Variants in CNTN5 observed in about 807,000 individuals in gnomAD.
CNTN5 encodes the protein contactin 5.
CNTN5 carries 77 observed loss-of-function variants against 129.1 expected under a neutral mutation model. The observed-to-expected ratio is 0.60, with a 90% CI of 0.50 to 0.72. CNTN5 has a LOEUF of 0.72. Ranked by LOEUF, CNTN5 falls within the 30% of genes least tolerant of loss-of-function variation. The probability of loss-of-function intolerance (pLI) is 0.00; values close to 1 mark genes in which losing one functional copy is unlikely to be tolerated. For synonymous variants in CNTN5, 509 were observed against 465.6 expected (o/e 1.09, Z -1.20); for missense variants, 1,478 against 1,328.8 (o/e 1.11, Z -1.75).
At chr11:99,474,178 AT>A (rs1193915997) in intron 2 of CNTN5, among the ~76,000 whole-genome samples, 2 of 151,816 alleles carry the variant, frequency 1.3e-5, no homozygotes, top group African/African-American at 4.8e-5. Context: ...TATATAAAAA[AT>A]ACTGTATTGT....
chr11:99,613,792 A>C (rs1950670444), intron 3 of CNTN5, among the ~76,000 whole-genome samples: 1 of 152,202 alleles, frequency 6.6e-6, no homozygotes, highest in Non-Finnish European at 1.5e-5. Context: ...CATCCACTAA[A>C]TAAAGTTTGT....
rs866096055 is a variant in CNTN5, at chr11:99,908,573, T to C, written c.578-7481T>C. Among the ~76,000 whole-genome samples the C allele has an allele frequency of 2.0e-5, 3 of 152,196 alleles. No individual in the cohort carries two copies. In the South Asian group the frequency reaches 6.2e-4, roughly 32 times the overall value. Reference sequence around the variant, plus strand: ...ATTATTATATAATTGTTTATGTAGATGTTAGAAATTTTATCAAATGTATAA... The same window carrying C: ...ATTATTATATAATTGTTTATGTAGACGTTAGAAATTTTATCAAATGTATAA... On this transcript the variant is annotated intron_variant, in intron 6 of 24. Coordinates refer to ENST00000524871, the MANE Select transcript of CNTN5 (RefSeq NM_014361.4).
chr11:100,301,285 T>A (rs1951214012), intron 20 of CNTN5, among the ~76,000 whole-genome samples: 1 of 151,654 alleles, frequency 6.6e-6, no homozygotes, highest in African/African-American at 2.4e-5. Flanking sequence ...CAGTGCTGCC[T>A]TTAAGAAATT....
At chr11:99,802,426 G>T (rs1946142650) in intron 3 of CNTN5, among the ~76,000 whole-genome samples, 1 of 152,142 alleles carries the variant, frequency 6.6e-6, no homozygotes, top group Non-Finnish European at 1.5e-5. Context: ...CTAATGGCAG[G>T]CAAGGGACTG....
intron 3 of CNTN5, among the ~76,000 whole-genome samples, chr11:99,565,593 A>G (rs1948977014): frequency 6.6e-6 from 1 of 152,132 alleles, no homozygotes; most frequent in East Asian, 1.9e-4. Flanking sequence ...TTGGTATTCA[A>G]AGAGAATCAT....
chr11:99,457,858 A>G (rs537643403), intron 2 of CNTN5, among the ~76,000 whole-genome samples: 1 of 151,710 alleles, frequency 6.6e-6, no homozygotes, highest in African/African-American at 2.4e-5. Context: ...ATTTTTCTCC[A>G]TGAACTCAAA....
At chr11:99,768,223 G>C (rs1300236804) in intron 3 of CNTN5, among the ~76,000 whole-genome samples, 1 of 152,000 alleles carries the variant, frequency 6.6e-6, no homozygotes, top group Non-Finnish European at 1.5e-5. Context: ...TTATAGATAG[G>C]TAGATTATAT....
chr11:99,817,385 G>T (rs944282259), intron 3 of CNTN5, among the ~76,000 whole-genome samples: 2 of 152,140 alleles, frequency 1.3e-5, no homozygotes, highest in Admixed American at 1.3e-4. Flanking sequence ...GCTCATCTCT[G>T]TATGGAGTGG....
intron 13 of CNTN5, among the ~76,000 whole-genome samples, chr11:100,113,884 T>C (rs7940707): frequency 0.79 from 120,620 of 151,990 alleles, 48,661 homozygotes; most frequent in East Asian, 1. Context: ...GTATGTCTCA[T>C]GTGGTCTTGT....
chr11:99,352,955 G>T (rs1012816216), intron 2 of CNTN5, among the ~76,000 whole-genome samples: 2 of 152,146 alleles, frequency 1.3e-5, no homozygotes, highest in Non-Finnish European at 2.9e-5. Context: ...AGGCAAGCCA[G>T]CTCAGGCTCT....
intron 3 of CNTN5, among the ~76,000 whole-genome samples, chr11:99,645,494 G>T (rs1490195522): frequency 2.6e-5 from 4 of 151,470 alleles, no homozygotes; most frequent in African/African-American, 9.7e-5. Context: ...AAAGACATAT[G>T]TACACGTATG....
intron 2 of CNTN5, among the ~76,000 whole-genome samples, chr11:99,545,861 G>A (rs1948274118): frequency 2.0e-5 from 3 of 152,194 alleles, no homozygotes; most frequent in Admixed American, 2.0e-4. Flanking sequence ...GAATGTGTGA[G>A]ACATTCTCTC....
rs543816897 is a variant in CNTN5, at chr11:99,232,935, T to C, written c.-209-92411T>C. Reference sequence around the variant, plus strand: ...GGGAATAAAGAATATGTTAAACATATAAAATGAAGACAATGTGAACCTTTA... The same window carrying C: ...GGGAATAAAGAATATGTTAAACATACAAAATGAAGACAATGTGAACCTTTA... On this transcript the variant is annotated intron_variant, in intron 1 of 24. Coordinates refer to ENST00000524871, the MANE Select transcript of CNTN5 (RefSeq NM_014361.4). Among the ~76,000 whole-genome samples the C allele has an allele frequency of 7.9e-5, 12 of 152,330 alleles. No homozygotes were observed. The South Asian group carries it at 2.5e-3, about 32-fold the overall frequency.
At chr11:99,524,575 G>A (rs1433911405) in intron 2 of CNTN5, among the ~76,000 whole-genome samples, 1 of 152,010 alleles carries the variant, frequency 6.6e-6, no homozygotes, top group African/African-American at 2.4e-5. Flanking sequence ...ACTTTGGGAG[G>A]CTGAGGCAGG....
chr11:99,533,852 G>A (rs1947804031), intron 2 of CNTN5, among the ~76,000 whole-genome samples: 1 of 152,218 alleles, frequency 6.6e-6, no homozygotes, highest in Non-Finnish European at 1.5e-5. Flanking sequence ...GGGCTGTGGT[G>A]TAACTGGGGC....
intron 13 of CNTN5, among the ~76,000 whole-genome samples, chr11:100,098,750 G>A (rs78181304): frequency 0.037 from 5,668 of 152,088 alleles, 128 homozygotes; most frequent in African/African-American, 0.066. Context: ...GTGGTCAGCC[G>A]CAGGTTGAGT....
In CNTN5 at chr11:100,051,088, TAAG is replaced by T. The variant is rs1025255935; in HGVS notation, c.981-10118_981-10116del. On this transcript the variant is annotated intron_variant, in intron 9 of 24. Coordinates refer to ENST00000524871, the MANE Select transcript of CNTN5 (RefSeq NM_014361.4). The stretch of plus-strand genomic sequence containing the variant: ...TTATTCTCCAGTAATTTATCAATTA[TAAG>T]AAGAACAAGAAGACAGAAAATCAGT... Among the ~76,000 whole-genome samples, 6 of 152,174 alleles carry T rather than the reference TAAG, an allele frequency of 3.9e-5. 1 individual carries two copies. In the Middle Eastern group the frequency reaches 0.017, roughly 431 times the overall value.
intron 1 of CNTN5, among the ~76,000 whole-genome samples, chr11:99,062,096 G>A: frequency 6.6e-6 from 1 of 152,080 alleles, no homozygotes; most frequent in Non-Finnish European, 1.5e-5. Flanking sequence ...GGAAGTTGTA[G>A]TGGAGTTATT....
intron 3 of CNTN5, among the ~76,000 whole-genome samples, chr11:99,776,415 G>A (rs1200043336): frequency 1.3e-5 from 2 of 151,780 alleles, no homozygotes; most frequent in Non-Finnish European, 1.5e-5. Flanking sequence ...TTCTCTAAAA[G>A]CATTGCTTTC....
Sources: gnomAD v4.1 joint callset for allele counts (sites outside exome capture counted in the v4.1 genomes callset) on GRCh38, gnomAD v4.1.1 for gene constraint, MANE v1.5 for transcripts, NCBI Gene and HGNC (gene_info 2026-07-23, HGNC 2026-07-21) for gene names.